The following MTHFD1L variants were observed in gnomAD, a reference collection of about 807,000 sequenced individuals.
The protein encoded by MTHFD1L is methylenetetrahydrofolate dehydrogenase (NADP+ dependent) 1 like.
A neutral mutation model predicts 119.5 loss-of-function variants in MTHFD1L; 81 were observed. That is an observed-to-expected ratio of 0.68 (90% CI 0.57 to 0.82). MTHFD1L has a LOEUF of 0.82. Among genes scored for constraint, MTHFD1L ranks in the 40% least tolerant of loss-of-function variants. The pLI is 0.00. For synonymous variants in MTHFD1L, 430 were observed against 475.2 expected (o/e 0.90, Z 1.24); for missense variants, 1,125 against 1,253.4 (o/e 0.90, Z 1.55).
chr6:150,965,240 G>C (rs1797017282), intron 19 of MTHFD1L, among the ~76,000 whole-genome samples: 1 of 151,900 alleles, frequency 6.6e-6, no homozygotes, highest in South Asian at 2.1e-4. Flanking sequence ...CCTGAGACTG[G>C]GTAATTTATG....
At chr6:150,939,920 G>C (rs1419633362) in intron 13 of MTHFD1L, among the ~76,000 whole-genome samples, 46 of 151,956 alleles carry the variant, frequency 3.0e-4, no homozygotes, top group Admixed American at 3.0e-3. Context: ...CGTGAGCTCA[G>C]ACAATCCACT....
intron 21 of MTHFD1L, among the ~76,000 whole-genome samples, chr6:151,011,482 G>A (rs1782203744): frequency 6.6e-6 from 1 of 152,130 alleles, no homozygotes. Flanking sequence ...CTTGAGTGGT[G>A]TCACACATCT....
At chr6:150,963,890 G>T (rs769509177) in intron 18 of MTHFD1L, among the ~76,000 whole-genome samples, 1 of 152,198 alleles carries the variant, frequency 6.6e-6, no homozygotes, top group Non-Finnish European at 1.5e-5. Context: ...AACAAAGGCC[G>T]GGCACGGTGG....
chr6:151,094,594 A>G (rs1177020303), intron 27 of MTHFD1L, among the ~76,000 whole-genome samples: 1 of 151,902 alleles, frequency 6.6e-6, no homozygotes, highest in Non-Finnish European at 1.5e-5. Flanking sequence ...CCAAGGCTGG[A>G]GTGCAGCGGC....
chr6:151,090,978 G>A lies in MTHFD1L; in HGVS notation c.2848-1489G>A, dbSNP rs924210959. ...GACTGGGTGCAGCATCGCCCCATGC[G>A]ACTGGGTGCAGCATCGTTCCATGCG... On this transcript the variant is annotated intron_variant, in intron 26 of 27. Transcript: ENST00000367321. Among the ~76,000 whole-genome samples the A allele has an allele frequency of 2.8e-3, 384 of 135,028 alleles. 2 individuals are homozygous for A. The highest frequency in any genetic ancestry group is 4.0e-3 in the Non-Finnish European group (253 of 63,142). The allele number at this position is 135,028 out of a possible 152,430, so 88.6% of individuals were successfully genotyped here. A position where few individuals can be genotyped will look rare whatever the true frequency, so the allele number is the denominator to read the frequency against.
intron 26 of MTHFD1L, among the ~76,000 whole-genome samples, chr6:151,073,048 T>C (rs1326026114): frequency 1.3e-5 from 2 of 152,114 alleles, no homozygotes; most frequent in Non-Finnish European, 2.9e-5. Flanking sequence ...ATTGTCCTTA[T>C]CTAGAAAAAG....
intron 7 of MTHFD1L, among the ~76,000 whole-genome samples, chr6:150,892,883 A>G (rs1783554119): frequency 6.6e-6 from 1 of 152,164 alleles, no homozygotes; most frequent in African/African-American, 2.4e-5. Flanking sequence ...TCGTGGTAAT[A>G]TGGAGACATG....
intron 27 of MTHFD1L, among the ~76,000 whole-genome samples, chr6:151,094,231 T>C (rs1050147597): frequency 5.9e-5 from 9 of 152,220 alleles, no homozygotes; most frequent in Non-Finnish European, 1.3e-4. Flanking sequence ...CAGCATATTC[T>C]CGGCCTTTGC....
rs111838354 is a variant in MTHFD1L at position 150,868,381 on chromosome 6, A to C, written c.227+2332A>C. Among the ~76,000 whole-genome samples, 967 of 145,236 alleles carry C rather than the reference A, an allele frequency of 6.7e-3. 12 individuals carry two copies. Among genetic ancestry groups the C allele is most frequent in the African/African-American group, 0.024 (920 of 39,050 alleles). Reference sequence around the variant, plus strand: ...TTGAGACGGAATCTCACTCTGTCGCACAGGTTGGAGTGCAGTGGCGGGATC... The same window carrying C: ...TTGAGACGGAATCTCACTCTGTCGCCCAGGTTGGAGTGCAGTGGCGGGATC... On this transcript the variant is annotated intron_variant, in intron 1 of 27. Coordinates refer to ENST00000367321, the MANE Select transcript of MTHFD1L (RefSeq NM_015440.5).
chr6:150,974,122 A>G (rs979452722), intron 20 of MTHFD1L, among the ~76,000 whole-genome samples: 2 of 152,240 alleles, frequency 1.3e-5, no homozygotes, highest in African/African-American at 4.8e-5. Flanking sequence ...TTTTACCTCA[A>G]CTGCTTTCAA....
At chr6:150,990,941 C>T (rs1205867183) in intron 20 of MTHFD1L, among the ~76,000 whole-genome samples, 4 of 152,156 alleles carry the variant, frequency 2.6e-5, no homozygotes, top group South Asian at 2.1e-4. Context: ...CTGCAACCTC[C>T]GCCTCCTGCG....
In MTHFD1L at chr6:150,867,347, A is replaced by G. The variant is rs138587557; in HGVS notation, c.227+1298A>G. 4.8e-3 allele frequency among the ~76,000 whole-genome samples: 733 copies of G among 152,180 alleles called. 2 individuals carry two copies. The highest frequency in any genetic ancestry group is 8.3e-3 in the South Asian group (40 of 4,814). ...ACTGGGACCACAGGTGTGCGCTACCATGCCCGGATTATTTTATTTTATTTT... is the reference window on the plus strand; with the variant it reads ...ACTGGGACCACAGGTGTGCGCTACCGTGCCCGGATTATTTTATTTTATTTT... On this transcript the variant is annotated intron_variant, in intron 1 of 27. Coordinates refer to ENST00000367321, the MANE Select transcript of MTHFD1L (RefSeq NM_015440.5).
chr6:151,004,509 T>C (rs1205233349), intron 20 of MTHFD1L, among the ~76,000 whole-genome samples: 1 of 152,200 alleles, frequency 6.6e-6, no homozygotes, highest in African/African-American at 2.4e-5. Context: ...TTTCTGCCGT[T>C]ATCATTGTTT....
intron 16 of MTHFD1L, among the ~76,000 whole-genome samples, chr6:150,949,505 C>T (rs1391427156): frequency 6.6e-6 from 1 of 152,104 alleles, no homozygotes; most frequent in Non-Finnish European, 1.5e-5. Context: ...CCTCCTCCAC[C>T]CACCATCCCA....
chr6:151,039,452 G>T lies in MTHFD1L; in HGVS notation c.2847+2335G>T, dbSNP rs762013766. On this transcript the variant is annotated intron_variant, in intron 26 of 27. Coordinates refer to ENST00000367321, the MANE Select transcript of MTHFD1L (RefSeq NM_015440.5). The surrounding 1 kb of genome is among the most constrained non-coding windows in gnomAD (Gnocchi z 4.4). ...CTTCCAGACTCATAGACCTATTCAC[G>T]TGTGTTGCCCAGGCTGGACTCAAAC... 1.3e-5 allele frequency among the ~76,000 whole-genome samples: 2 copies of T among 152,034 alleles called. No individual in the cohort carries two copies. The highest frequency in any genetic ancestry group is 2.4e-5 in the African/African-American group (1 of 41,356).
At chr6:151,034,419 T>G in intron 24 of MTHFD1L, 74 bp from the exon 25 acceptor site, 1 of 1,002,248 alleles carries the variant, frequency 1.0e-6, no homozygotes, top group Non-Finnish European at 1.6e-6. Context: ...TTACAGAACA[T>G]CTCACTAAAG....
At chr6:150,934,968 A>T (rs1791802450) in intron 11 of MTHFD1L, 2 of 1,531,812 alleles carry the variant, frequency 1.3e-6, no homozygotes, top group East Asian at 4.6e-5. Flanking sequence ...GCACCTGGAA[A>T]TGGGGAATGG....
chr6:150,916,737 C>CTTTTTTTT lies in MTHFD1L; in HGVS notation c.893-1805_893-1798dup, dbSNP rs57961829. On this transcript the variant is annotated intron_variant, in intron 8 of 27. Coordinates refer to ENST00000367321, the MANE Select transcript of MTHFD1L (RefSeq NM_015440.5). ...TTTTGATGGAAAATTGATTCTATCCCTTTTTTTTTTTTTTTTTTTTTTTTT... is the reference window on the plus strand; with the variant it reads ...TTTTGATGGAAAATTGATTCTATCCCTTTTTTTTTTTTTTTTTTTTTTTTTTTTTTTTT... Among the ~76,000 whole-genome samples the CTTTTTTTT allele has an allele frequency of 2.5e-4, 18 of 72,126 alleles. 4 individuals carry two copies. Among genetic ancestry groups the CTTTTTTTT allele is most frequent in the Admixed American group, 4.3e-4 (2 of 4,602 alleles). The allele number at this position is 72,126 out of a possible 152,430, so 47.3% of individuals were successfully genotyped here. A position where few individuals can be genotyped will look rare whatever the true frequency, so the allele number is the denominator to read the frequency against.
In MTHFD1L at chr6:150,913,364, AC is replaced by A. The variant is rs571463879; in HGVS notation, c.893-5211del. ...GTATTTTTAGTAGAGACGGGGTTTC[AC>A]CGTGTTAGCCAGGATGGTCTCGATC... On this transcript the variant is annotated intron_variant, in intron 8 of 27. Transcript: ENST00000367321. 7.3e-5 allele frequency among the ~76,000 whole-genome samples: 11 copies of A among 151,442 alleles called. No individual in the cohort carries two copies. In the East Asian group the frequency reaches 2.2e-3, roughly 30 times the overall value.
Sources: gnomAD v4.1 joint callset for allele counts (sites outside exome capture counted in the v4.1 genomes callset) on GRCh38, gnomAD v4.1.1 for gene constraint, Gnocchi (gnomAD v3.1) non-coding constraint, MANE v1.5 for transcripts, NCBI Gene and HGNC (gene_info 2026-07-23, HGNC 2026-07-21) for gene names.